The following GIGYF2 variants were observed in gnomAD, a reference collection of about 807,000 sequenced individuals.
GIGYF2 encodes the protein GRB10 interacting GYF protein 2.
Under a neutral mutation model 208.1 loss-of-function variants are expected in GIGYF2, and 25 were observed. That is an observed-to-expected ratio of 0.12 (90% CI 0.09 to 0.17). The LOEUF (loss-of-function observed/expected upper bound fraction) is 0.17. GIGYF2 is among the 10% of genes least tolerant of loss of function. The pLI, the probability that GIGYF2 is intolerant of heterozygous loss-of-function variation, is 1.00. For missense variants in GIGYF2, 1,302 were observed against 1,579.4 expected (o/e 0.82, Z 2.98); for synonymous variants, 534 against 543.8 (o/e 0.98, Z 0.25).
At chr2:232,760,797 A>C (rs1212983210) in intron 7 of GIGYF2, 6 of 518,950 alleles carry the variant, frequency 1.2e-5, no homozygotes, top group Non-Finnish European at 2.1e-5. Context: ...AGGTTAATAT[A>C]TGAGTGCCAG....
chr2:232,838,833 G>A lies in GIGYF2; in HGVS notation c.2767-1016G>A, dbSNP rs113207205. ...TGCACCCCTCCCCCACCCCAGGGCA[G>A]GTGCATTTTGAGAGAAATGCCCTAT... is the stretch of plus-strand genomic sequence containing the variant. On this transcript the variant is annotated intron_variant, in intron 22 of 28. Coordinates refer to ENST00000373563, the MANE Select transcript of GIGYF2 (RefSeq NM_001103146.3). 5.7e-3 allele frequency among the ~76,000 whole-genome samples: 861 copies of A among 151,736 alleles called. 3 individuals are homozygous for A. Among genetic ancestry groups the A allele is most frequent in the African/African-American group, 0.02 (821 of 41,254 alleles).
At chr2:232,779,971 T>C (rs1699655608) in intron 8 of GIGYF2, among the ~76,000 whole-genome samples, 1 of 152,134 alleles carries the variant, frequency 6.6e-6, no homozygotes, top group African/African-American at 2.4e-5. Context: ...AGATAATATA[T>C]ATCTGAACAG....
chr2:232,727,983 A>G (rs1040451059), intron 2 of GIGYF2, among the ~76,000 whole-genome samples: 6 of 152,154 alleles, frequency 3.9e-5, no homozygotes, highest in Non-Finnish European at 7.4e-5. Flanking sequence ...ATTGAGTCCT[A>G]TAGATTCCAT....
chr2:232,723,494 G>T (rs1194257785), intron 2 of GIGYF2, among the ~76,000 whole-genome samples: 1 of 146,496 alleles, frequency 6.8e-6, no homozygotes, highest in Non-Finnish European at 1.5e-5. Context: ...GCAGTGGCAC[G>T]ATCTCAGCTC....
intron 21 of GIGYF2, among the ~76,000 whole-genome samples, chr2:232,829,060 A>G (rs1701337414): frequency 6.6e-6 from 1 of 152,116 alleles, no homozygotes; most frequent in Non-Finnish European, 1.5e-5. Context: ...AGATGCTAAA[A>G]TTTTTTCAAA....
chr2:232,816,985 G>A lies in GIGYF2; in HGVS notation c.2323G>A (p.Glu775Lys). 1 of 1,613,678 alleles carries A rather than the reference G, an allele frequency of 6.2e-7. No individual in the cohort carries two copies. Reference protein sequence around the residue: ...QEEILRRQQEEERKRREEEEL... With the variant: ...QEEILRRQQEKERKRREEEEL... ...GGAAATTCTTCGGCGACAGCAGGAA[G>A]AAGAAAGGAAAAGGCGAGAGGAAGA... The change falls in exon 20 of 29, where the codon GAA becomes AAA. Residue 775 changes from glutamate (E) to lysine (K), a missense_variant. Around this residue, in one of 8 missense-constraint regions of GIGYF2, gnomAD observed 701 missense variants for 793.0 expected, o/e 0.88. Transcript: ENST00000373563.
intron 12 of GIGYF2, 106 bp downstream of exon 12, chr2:232,791,552 G>A (rs1458999074): frequency 1.1e-6 from 1 of 898,360 alleles, no homozygotes; most frequent in African/African-American, 1.6e-5. Flanking sequence ...CTTTTAGTGG[G>A]TGAATTATCG....
At chr2:232,750,004 G>T (rs1698280285) in intron 5 of GIGYF2, among the ~76,000 whole-genome samples, 1 of 151,978 alleles carries the variant, frequency 6.6e-6, no homozygotes, top group Admixed American at 6.6e-5. Context: ...GGCCAACATG[G>T]TGAAACCCTA....
At chr2:232,749,104 C>T (rs201232635) in intron 5 of GIGYF2, 22 bp downstream of exon 5, 2 of 1,131,758 alleles carry the variant, frequency 1.8e-6, no homozygotes, top group Admixed American at 3.4e-5. Flanking sequence ...GCTCTGAGCC[C>T]CAGCAAACTC....
intron 14 of GIGYF2, among the ~76,000 whole-genome samples, chr2:232,805,672 A>G (rs367771094): frequency 1.3e-5 from 2 of 152,214 alleles, no homozygotes; most frequent in East Asian, 3.8e-4. Flanking sequence ...AAGAAAAAAC[A>G]GGGAATTCAC....
chr2:232,768,605 A>G (rs780403245), intron 8 of GIGYF2: 1 of 1,614,164 alleles, frequency 6.2e-7, no homozygotes, highest in East Asian at 2.2e-5. Flanking sequence ...CAAGGTGGAA[A>G]TCCACACTGG....
At chr2:232,769,400 A>G (rs1190183679) in intron 8 of GIGYF2, among the ~76,000 whole-genome samples, 4 of 151,576 alleles carry the variant, frequency 2.6e-5, no homozygotes, top group Non-Finnish European at 5.9e-5. Flanking sequence ...GTCTGGTGGC[A>G]CATGCCTGTA....
At chr2:232,713,499 A>G (rs939743722) in intron 2 of GIGYF2, among the ~76,000 whole-genome samples, 10 of 152,240 alleles carry the variant, frequency 6.6e-5, no homozygotes, top group Admixed American at 2.6e-4. Flanking sequence ...TTACATTACT[A>G]TGGTACATTG....
At position 232,832,985 on chromosome 2, in the gene GIGYF2, G is replaced by A. The variant is rs768154322; in HGVS notation, c.2658G>A (p.Glu886=). The change falls in exon 22 of 29, where the codon GAG becomes GAA. Residue 886 remains glutamate, a synonymous_variant. Coordinates refer to ENST00000373563, the MANE Select transcript of GIGYF2 (RefSeq NM_001103146.3). ...RHEEEERKRK[E]LEVQRQKELM... ...AGGAAGAAGAACGGAAGAGAAAGGA[G>A]CTGGAGGTCCAGCGGCAGAAGGAGT... The A allele has an allele frequency of 1.3e-6, 2 of 1,575,944 alleles. No individual in the cohort carries two copies. Among genetic ancestry groups the A allele is most frequent in the Non-Finnish European group, 1.7e-6 (2 of 1,160,452 alleles).
intron 8 of GIGYF2, chr2:232,776,306 C>A: frequency 3.6e-6 from 2 of 554,806 alleles, no homozygotes; most frequent in Non-Finnish European, 6.4e-6. Context: ...ATATAGAAAC[C>A]TTACTATCCT....
intron 8 of GIGYF2, chr2:232,768,013 T>A: frequency 1.6e-6 from 1 of 624,330 alleles, no homozygotes. Context: ...TAATGTAGAG[T>A]GTTATGTTTC....
chr2:232,830,827 AT>A (rs1701406174), intron 21 of GIGYF2, among the ~76,000 whole-genome samples: 1 of 149,312 alleles, frequency 6.7e-6, no homozygotes, highest in African/African-American at 2.5e-5. Flanking sequence ...CAAAAAAAAA[AT>A]AATGATAATA....
At chr2:232,825,400 C>A (rs1293859720) in intron 21 of GIGYF2, among the ~76,000 whole-genome samples, 1 of 152,094 alleles carries the variant, frequency 6.6e-6, no homozygotes, top group Non-Finnish European at 1.5e-5. Flanking sequence ...TGATTCCCAC[C>A]CTCATGGATG....
chr2:232,809,593 G>A, intron 15 of GIGYF2, 127 bp from the exon 16 acceptor site: 1 of 695,008 alleles, frequency 1.4e-6, no homozygotes, highest in East Asian at 2.7e-5. Context: ...AAGTGTTTGG[G>A]TAAAAGGGTA....
Sources: allele counts gnomAD v4.1 joint callset (sites outside exome capture counted in the v4.1 genomes callset), GRCh38; gene constraint gnomAD v4.1.1; regional missense constraint gnomAD v4.1.1; transcripts MANE v1.5; gene names NCBI Gene and HGNC (gene_info 2026-07-23, HGNC 2026-07-21).